Variants in MACC1 observed in about 807,000 individuals in gnomAD.
The protein encoded by MACC1 is MET transcriptional regulator MACC1.
A neutral mutation model predicts 70.7 loss-of-function variants in MACC1; 79 were observed. The ratio of observed to expected loss-of-function variants is 1.12; its 90% CI spans 0.93 to 1.35. The LOEUF (loss-of-function observed/expected upper bound fraction) is 1.35, where lower values mean the gene tolerates loss of function less well. MACC1 is among the 40% of genes most tolerant of loss of function. The pLI is 0.00. For synonymous variants in MACC1, 361 were observed against 347.2 expected, an observed-to-expected ratio of 1.04 and a Z score of -0.44; for missense variants, 1,106 against 978.1, an observed-to-expected ratio of 1.13 and a Z score of -1.74.
At chr7:20,181,814 G>T (rs1019170480) in intron 1 of MACC1, among the ~76,000 whole-genome samples, 2 of 151,818 alleles carry the variant, frequency 1.3e-5, no homozygotes, top group East Asian at 3.8e-4. Flanking sequence ...TTAAAACATA[G>T]AACTTTCAAA....
At chr7:20,180,953 C>T (rs1157292709) in intron 1 of MACC1, among the ~76,000 whole-genome samples, 1 of 151,978 alleles carries the variant, frequency 6.6e-6, no homozygotes, top group Non-Finnish European at 1.5e-5. Flanking sequence ...GAAACTAAAA[C>T]AAAATCACAG....
intron 4 of MACC1, 113 bp downstream of exon 4, chr7:20,161,635 T>A (rs563084686): frequency 3.1e-6 from 2 of 644,366 alleles, no homozygotes; most frequent in Non-Finnish European, 5.4e-6. Context: ...AAAAACAAGA[T>A]TTTATAATTC....
chr7:20,213,024 C>G (rs1200358027), intron 1 of MACC1, among the ~76,000 whole-genome samples: 2 of 152,142 alleles, frequency 1.3e-5, no homozygotes, highest in African/African-American at 4.8e-5. Flanking sequence ...TGCTGGGATA[C>G]CACTTCCACC....
intron 1 of MACC1, among the ~76,000 whole-genome samples, chr7:20,201,002 G>C (rs1782824847): frequency 6.6e-6 from 1 of 152,166 alleles, no homozygotes; most frequent in Admixed American, 6.5e-5. Flanking sequence ...GTGTTATTTG[G>C]TGGGATGGAT....
intron 1 of MACC1, among the ~76,000 whole-genome samples, chr7:20,202,068 T>A (rs1475839063): frequency 1.3e-5 from 2 of 152,254 alleles, no homozygotes; most frequent in African/African-American, 2.4e-5. Flanking sequence ...GTAAAAGCTA[T>A]CTGGGTTCAA....
At chr7:20,200,122 A>G (rs1179210543) in intron 1 of MACC1, among the ~76,000 whole-genome samples, 1 of 152,078 alleles carries the variant, frequency 6.6e-6, no homozygotes, top group Admixed American at 6.6e-5. Flanking sequence ...ATAATAAAAT[A>G]TTTATTCACA....
intron 2 of MACC1, among the ~76,000 whole-genome samples, chr7:20,167,113 G>A (rs1044877718): frequency 2.6e-5 from 4 of 152,092 alleles, no homozygotes; most frequent in Admixed American, 1.3e-4. Context: ...CCACACTTCT[G>A]GTATCATGCA....
Position 20,159,206 on chromosome 7 carries a change from A to T in MACC1, c.1155T>A (p.Thr385=). The T allele has an allele frequency of 6.2e-7, 1 of 1,614,018 alleles. No homozygotes were observed. Among genetic ancestry groups the T allele is most frequent in the Non-Finnish European group, 8.5e-7 (1 of 1,179,988 alleles). Residue 385 remains threonine (T), a synonymous_variant, in exon 5 of 7, where the codon ACT becomes ACA. Coordinates refer to ENST00000400331, the MANE Select transcript of MACC1 (RefSeq NM_182762.4). ...YGPKYIHPSF[T]VVLTVCGHNY... is the part of the protein sequence containing the mutation. Reference sequence around the variant, plus strand: ...TGTGTCCACAAACTGTTAAAACAACAGTAAAACTGGGATGGATATATTTGG... The same window carrying T: ...TGTGTCCACAAACTGTTAAAACAACTGTAAAACTGGGATGGATATATTTGG...
chr7:20,203,314 C>A (rs1202126654), intron 1 of MACC1, among the ~76,000 whole-genome samples: 3 of 152,142 alleles, frequency 2.0e-5, no homozygotes, highest in Non-Finnish European at 4.4e-5. Flanking sequence ...CCTCTTCCAT[C>A]GCCCAACTAA....
chr7:20,174,602 T>G (rs779127631), intron 1 of MACC1, among the ~76,000 whole-genome samples: 1 of 152,100 alleles, frequency 6.6e-6, no homozygotes. Flanking sequence ...TAAAATAAAA[T>G]TCTCACCCCC....
chr7:20,158,365 C>G lies in MACC1; in HGVS notation c.1996G>C (p.Val666Leu), dbSNP rs372709677. The G allele has an allele frequency of 1.2e-6, 2 of 1,613,686 alleles. No homozygotes were observed. The highest frequency in any genetic ancestry group is 2.7e-5 in the African/African-American group (2 of 74,912). ...GAGTAACCCAGGACATCAGCTAAAA[C>G]TTTCCAATCATAAACTTTTTCTGAC... ...LVSEKVYDWK[V>L]LADVLGYSHL... Residue 666 changes from valine (V) to leucine (L), a missense_variant, in exon 5 of 7, where the codon GTT (valine) becomes CTT (leucine). Coordinates refer to ENST00000400331, the MANE Select transcript of MACC1 (RefSeq NM_182762.4).
chr7:20,202,507 C>A (rs775154636), intron 1 of MACC1, among the ~76,000 whole-genome samples: 2 of 152,118 alleles, frequency 1.3e-5, no homozygotes, highest in Non-Finnish European at 2.9e-5. Context: ...AAAACCTGAT[C>A]GAGCTTCTAA....
At chr7:20,185,753 T>C (rs183520286) in intron 1 of MACC1, among the ~76,000 whole-genome samples, 2 of 152,332 alleles carry the variant, frequency 1.3e-5, no homozygotes, top group Admixed American at 1.3e-4. Flanking sequence ...CAATTACTGG[T>C]CATGCTTTGT....
chr7:20,183,759 A>T (rs1407019324), intron 1 of MACC1, among the ~76,000 whole-genome samples: 1 of 140,108 alleles, frequency 7.1e-6, no homozygotes, highest in African/African-American at 2.8e-5. Context: ...CCCGGGCTGG[A>T]GTGCAGTGGC....
At chr7:20,203,995 T>G (rs983146999) in intron 1 of MACC1, among the ~76,000 whole-genome samples, 4 of 152,222 alleles carry the variant, frequency 2.6e-5, no homozygotes, top group African/African-American at 9.6e-5. Context: ...CATTTGCATT[T>G]TAAAATAGAA....
intron 4 of MACC1, among the ~76,000 whole-genome samples, 155 bp from the exon 5 acceptor site, chr7:20,160,400 A>C (rs1782124748): frequency 6.6e-6 from 1 of 152,106 alleles, no homozygotes; most frequent in African/African-American, 2.4e-5. Context: ...CTCAATGTTA[A>C]ATTTGCTCAA....
intron 6 of MACC1, among the ~76,000 whole-genome samples, chr7:20,149,249 C>T (rs1781939156): frequency 6.6e-6 from 1 of 152,114 alleles, no homozygotes; most frequent in Non-Finnish European, 1.5e-5. Flanking sequence ...TTACATTCTT[C>T]CTATAGGCAC....
In MACC1 at chr7:20,159,433, A is replaced by C. The variant is rs546232519; in HGVS notation, c.928T>G (p.Cys310Gly). 2.5e-6 allele frequency: 4 copies of C among 1,614,040 alleles called. No homozygotes were observed. In the South Asian group the frequency reaches 4.4e-5, roughly 18 times the overall value. Residue 310 changes from cysteine to glycine, a missense_variant, in exon 5 of 7, where the codon TGT (cysteine) becomes GGT (glycine). Physicochemically the swap from Cys to Gly is radical, Grantham distance 159. Transcript: ENST00000400331. Reference protein sequence around the residue: ...PFSQVMTEMVCLHSLGKEGPF... With the variant: ...PFSQVMTEMVGLHSLGKEGPF... ...CCTTCTTTACCCAAGCTGTGTAAACACACCATTTCTGTCATGACTTGGCTG... is the reference window on the plus strand; with the variant it reads ...CCTTCTTTACCCAAGCTGTGTAAACCCACCATTTCTGTCATGACTTGGCTG...
At chr7:20,187,339 C>CA (rs1483218947) in intron 1 of MACC1, among the ~76,000 whole-genome samples, 1 of 151,984 alleles carries the variant, frequency 6.6e-6, no homozygotes, top group African/African-American at 2.4e-5. Flanking sequence ...ACAACAGGAA[C>CA]AAAAAAATTC....
Sources: allele counts gnomAD v4.1 joint callset (sites outside exome capture counted in the v4.1 genomes callset), GRCh38; gene constraint gnomAD v4.1.1; transcripts MANE v1.5; gene names NCBI Gene and HGNC (gene_info 2026-07-23, HGNC 2026-07-21).